Variants in PALD1 observed in about 807,000 individuals in gnomAD.
PALD1 encodes the protein paladin.
In PALD1, 57 loss-of-function variants were observed where a neutral mutation model predicts 96.0. That is an observed-to-expected ratio of 0.59 (90% confidence interval 0.48 to 0.74). PALD1 has a LOEUF of 0.74. Ranked by LOEUF, PALD1 falls within the 30% of genes least tolerant of loss-of-function variation. The pLI, the probability that PALD1 is intolerant of heterozygous loss-of-function variation, is 0.00. For missense variants in PALD1, 1,063 were observed against 1,143.7 expected (o/e 0.93, Z 1.02); for synonymous variants, 464 against 473.6 (o/e 0.98, Z 0.26).
chr10:70,557,086 C>T (rs912686345), intron 18 of PALD1, among the ~76,000 whole-genome samples: 2 of 152,250 alleles, frequency 1.3e-5, no homozygotes, highest in African/African-American at 4.8e-5. Context: ...TCTTCTGCAG[C>T]AAGCAAAAGA....
intron 1 of PALD1, among the ~76,000 whole-genome samples, chr10:70,512,121 G>A (rs1317640968): frequency 3.9e-5 from 6 of 152,142 alleles, no homozygotes; most frequent in Non-Finnish European, 8.8e-5. Flanking sequence ...TATTATAATG[G>A]CAATTAAATT....
At chr10:70,542,653 C>G (rs1263646550) in intron 17 of PALD1, among the ~76,000 whole-genome samples, 1 of 152,198 alleles carries the variant, frequency 6.6e-6, no homozygotes, top group African/African-American at 2.4e-5. Context: ...TATGGATAGA[C>G]CACATTTTGT....
intron 1 of PALD1, among the ~76,000 whole-genome samples, chr10:70,499,766 C>T (rs1378171373): frequency 6.6e-6 from 1 of 152,174 alleles, no homozygotes; most frequent in African/African-American, 2.4e-5. Context: ...TTTGTTTTGC[C>T]TGATGGGCTG....
upstream of PALD1, among the ~76,000 whole-genome samples, chr10:70,476,724 G>C (rs1288351075): frequency 6.6e-6 from 1 of 152,116 alleles, no homozygotes; most frequent in Non-Finnish European, 1.5e-5. Flanking sequence ...TGTGTGTGTG[G>C]TGAGTACAAA....
rs372354707 is a variant in PALD1, at chr10:70,538,530, G to A, written c.1452+122G>A. ...TTGCAGGAGGTGAAGAAGAGAGGCT[G>A]TGGGTGTTGGGATCCTCTTGTGAAC... On this transcript the variant is annotated intron_variant, in intron 12 of 19. Coordinates refer to ENST00000263563, the MANE Select transcript of PALD1 (RefSeq NM_014431.3). 15 of 1,040,618 alleles carry A rather than the reference G, an allele frequency of 1.4e-5. No individual in the cohort carries two copies. The East Asian group carries it at 3.4e-4, about 24-fold the overall frequency. The allele number at this position is 1,040,618 out of a possible 1,614,324, so 64.5% of individuals were successfully genotyped here.
intron 18 of PALD1, among the ~76,000 whole-genome samples, chr10:70,548,063 T>C (rs955003123): frequency 2.2e-4 from 33 of 152,170 alleles, no homozygotes; most frequent in African/African-American, 7.0e-4. Context: ...CCTAGCACTT[T>C]AGGAGGCCGA....
intron 1 of PALD1, among the ~76,000 whole-genome samples, chr10:70,496,309 C>T (rs1846194320): frequency 6.6e-6 from 1 of 150,952 alleles, no homozygotes; most frequent in East Asian, 1.9e-4. Flanking sequence ...TGAATCAAGG[C>T]ATAGCTTGAT....
intron 1 of PALD1, among the ~76,000 whole-genome samples, chr10:70,496,330 G>A (rs866178081): frequency 6.6e-6 from 1 of 152,094 alleles, no homozygotes; most frequent in Non-Finnish European, 1.5e-5. Flanking sequence ...GAATTGCTAC[G>A]GTTGTATCAC....
intron 18 of PALD1, among the ~76,000 whole-genome samples, chr10:70,562,602 G>A (rs1002085120): frequency 5.9e-5 from 9 of 152,206 alleles, no homozygotes; most frequent in African/African-American, 1.4e-4. Context: ...CTGTGCCCTC[G>A]CACAGATGTT....
intron 1 of PALD1, among the ~76,000 whole-genome samples, chr10:70,517,535 T>C (rs1477440765): frequency 6.6e-6 from 1 of 151,646 alleles, no homozygotes; most frequent in Non-Finnish European, 1.5e-5. Flanking sequence ...GGAGATGGGG[T>C]TTTACCATGT....
At chr10:70,514,967 T>C (rs1056012161) in intron 1 of PALD1, among the ~76,000 whole-genome samples, 1 of 152,170 alleles carries the variant, frequency 6.6e-6, no homozygotes, top group Non-Finnish European at 1.5e-5. Context: ...AAGCGATGGA[T>C]GAGCAAAACA....
chr10:70,531,427 G>A lies in PALD1; in HGVS notation c.606G>A (p.Glu202=), dbSNP rs1255286261. The change falls in exon 5 of 20, where the codon GAG becomes GAA. Residue 202 remains glutamate, a synonymous_variant. Coordinates refer to ENST00000263563, the MANE Select transcript of PALD1 (RefSeq NM_014431.3). ...LQGLGPGVRV[E]SLELAIRKEI... ...GCCTTGGACCCGGGGTCCGGGTGGAGAGCCTGGAGCTGGCCATCCGGAAAG... is the reference window on the plus strand; with the variant it reads ...GCCTTGGACCCGGGGTCCGGGTGGAAAGCCTGGAGCTGGCCATCCGGAAAG... 1.2e-6 allele frequency: 2 copies of A among 1,613,838 alleles called. No homozygotes were observed. The highest frequency in any genetic ancestry group is 1.7e-6 in the Non-Finnish European group (2 of 1,179,914).
upstream of PALD1, among the ~76,000 whole-genome samples, chr10:70,478,406 C>T (rs1000064922): frequency 4.6e-5 from 7 of 152,332 alleles, no homozygotes; most frequent in Middle Eastern, 3.4e-3. Flanking sequence ...GCGGGTGTCG[C>T]GGGTAGCCGG....
chr10:70,562,671 C>T (rs1027066992), intron 18 of PALD1, among the ~76,000 whole-genome samples: 1 of 152,112 alleles, frequency 6.6e-6, no homozygotes, highest in East Asian at 1.9e-4. Flanking sequence ...GGGAGAGCTG[C>T]TGTGGGTTTG....
chr10:70,527,111 G>T (rs925720003), intron 2 of PALD1, among the ~76,000 whole-genome samples: 5 of 152,242 alleles, frequency 3.3e-5, no homozygotes, highest in African/African-American at 1.2e-4. Context: ...ACAAAGGTGG[G>T]TTTGGGGCCT....
chr10:70,461,663 GC>G, the PALD1 span, among the ~76,000 whole-genome samples: 9 of 152,182 alleles, frequency 5.9e-5, no homozygotes, highest in African/African-American at 2.2e-4. Context: ...AAATCCCGGG[GC>G]CCCCACTTGA....
intron 3 of PALD1, 49 bp from the exon 4 acceptor site, chr10:70,529,840 A>G: frequency 6.4e-7 from 1 of 1,566,576 alleles, no homozygotes; most frequent in Non-Finnish European, 8.7e-7. Context: ...ATCTGCAGAA[A>G]ATACCCCTGA....
chr10:70,532,976 G>C lies in PALD1; in HGVS notation c.795-19G>C. The C allele has an allele frequency of 6.4e-7, 1 of 1,568,294 alleles. No homozygotes were observed. The highest frequency in any genetic ancestry group is 8.6e-7 in the Non-Finnish European group (1 of 1,156,338). On this transcript the variant is annotated intron_variant, in intron 6 of 19. Coordinates refer to ENST00000263563, the MANE Select transcript of PALD1 (RefSeq NM_014431.3). ...CAGAGTGGGTGCCTGCCTGATGGCT[G>C]CTCTCCCTCACCTGGCAGGTACCAC...
intron 12 of PALD1, 59 bp from the exon 13 acceptor site, chr10:70,538,833 A>G: frequency 6.9e-7 from 1 of 1,447,638 alleles, no homozygotes; most frequent in Non-Finnish European, 9.7e-7. Flanking sequence ...CCAGGTCCTG[A>G]CCCTTTCTGC....
Sources: allele counts gnomAD v4.1 joint callset (sites outside exome capture counted in the v4.1 genomes callset), GRCh38; gene constraint gnomAD v4.1.1; transcripts MANE v1.5; gene names NCBI Gene and HGNC (gene_info 2026-07-23, HGNC 2026-07-21).